The following GSE1 variants were observed in gnomAD, a reference collection of about 807,000 sequenced individuals.
GSE1 encodes the protein genetic suppressor element 1.
Under a neutral mutation model 112.6 loss-of-function variants are expected in GSE1, and 32 were observed. The ratio of observed to expected loss-of-function variants is 0.28; its 90% confidence interval spans 0.21 to 0.38. GSE1 has a LOEUF of 0.38. GSE1 is among the 10% of genes least tolerant of loss of function. GSE1 has a pLI of 1.00. For missense variants in GSE1, 2,348 were observed against 1,699.2 expected, an observed-to-expected ratio of 1.38 and a Z score of -6.71; for synonymous variants, 1,115 against 735.6, an observed-to-expected ratio of 1.52 and a Z score of -8.35.
At chr16:85,383,469 A>G (rs1289523818) in intron 2 of GSE1, among the ~76,000 whole-genome samples, 1 of 151,230 alleles carries the variant, frequency 6.6e-6, no homozygotes, top group Non-Finnish European at 1.5e-5. Context: ...AGTCTGTCAC[A>G]CATTTGAACA....
At chr16:85,424,930 C>T (rs1250353203) in intron 2 of GSE1, among the ~76,000 whole-genome samples, 1 of 152,274 alleles carries the variant, frequency 6.6e-6, no homozygotes, top group Admixed American at 6.5e-5. Context: ...TTTATTTTAA[C>T]ATGTGTCAGG....
intron 2 of GSE1, among the ~76,000 whole-genome samples, chr16:85,540,202 AGGAAG>A (rs765968785): frequency 1.3e-4 from 20 of 152,214 alleles, no homozygotes; most frequent in Non-Finnish European, 2.5e-4. Flanking sequence ...GAAGCCCAGA[AGGAAG>A]GTGCTTTCCT....
chr16:85,435,020 C>G (rs2049212126), intron 2 of GSE1, among the ~76,000 whole-genome samples: 1 of 152,214 alleles, frequency 6.6e-6, no homozygotes, highest in Admixed American at 6.5e-5. Flanking sequence ...AGGGCCTACG[C>G]TTGGTTTTAT....
At chr16:85,422,899 C>T (rs568286585) in intron 2 of GSE1, among the ~76,000 whole-genome samples, 1 of 152,176 alleles carries the variant, frequency 6.6e-6, no homozygotes, top group Non-Finnish European at 1.5e-5. Context: ...TGGGGCCGCA[C>T]CCCGCTTGCT....
intron 4 of GSE1, 59 bp from the exon 5 acceptor site, chr16:85,654,735 C>T (rs12447680): frequency 0.016 from 16,388 of 1,032,144 alleles, 331 homozygotes; most frequent in South Asian, 0.055. Context: ...GCCGTCCCCC[C>T]ATGCAGGAGC....
At chr16:85,261,323 G>T (rs1001478812) in intron 1 of GSE1, among the ~76,000 whole-genome samples, 1 of 152,232 alleles carries the variant, frequency 6.6e-6, no homozygotes, top group Non-Finnish European at 1.5e-5. Context: ...CTCAGTGTAT[G>T]ACTCTGCCTC....
chr16:85,323,488 G>T (rs918314811), intron 1 of GSE1, among the ~76,000 whole-genome samples: 1 of 152,186 alleles, frequency 6.6e-6, no homozygotes, highest in African/African-American at 2.4e-5. Context: ...AGGGCGTCTG[G>T]GGGGAAAGTC....
chr16:85,418,690 A>G (rs2048758690), intron 2 of GSE1, among the ~76,000 whole-genome samples: 1 of 152,132 alleles, frequency 6.6e-6, no homozygotes, highest in Admixed American at 6.5e-5. Flanking sequence ...CTTCCAAGGT[A>G]CTGATGCAGG....
chr16:85,393,041 C>T (rs1245825634), intron 2 of GSE1, among the ~76,000 whole-genome samples: 2 of 152,206 alleles, frequency 1.3e-5, no homozygotes, highest in East Asian at 3.8e-4. Flanking sequence ...CAGATAGAGG[C>T]CCTGTCAAGG....
At position 85,399,185 on chromosome 16, in the gene GSE1, C is replaced by A. The variant is rs150568148; in HGVS notation, c.2464+41542C>A. 1.1e-4 allele frequency among the ~76,000 whole-genome samples: 17 copies of A among 152,162 alleles called. No homozygotes were observed. In the South Asian group the frequency reaches 3.3e-3, roughly 30 times the overall value. On this transcript the variant is annotated intron_variant, in intron 2 of 2. Transcript: ENST00000637419. ...GTGCATATGACCGTATAGATGTGCA[C>A]GTGTGATGTGTGTGGTGCTGTGGGG...
chr16:85,605,510 G>C (rs1353591735), intron 1 of GSE1, among the ~76,000 whole-genome samples: 2 of 152,090 alleles, frequency 1.3e-5, no homozygotes, highest in Non-Finnish European at 2.9e-5. Context: ...ACTGGGCATG[G>C]CTCTCTCTAT....
intron 1 of GSE1, among the ~76,000 whole-genome samples, chr16:85,557,291 GGCTGTGCT>G: frequency 1.3e-5 from 2 of 152,174 alleles, no homozygotes; most frequent in East Asian, 3.9e-4. Context: ...AGGTCAGGAA[GGCTGTGCT>G]GCGTGTGACT....
At position 85,408,526 on chromosome 16, in the gene GSE1, G is replaced by C. The variant is rs560522691; in HGVS notation, c.2464+50883G>C. On this transcript the variant is annotated intron_variant, in intron 2 of 2. Transcript: ENST00000637419. ...CTCACTGTTACACTCAGGCCCCCTGGATAATCCTCACTGTTACACTCAGGG... is the reference window on the plus strand; with the variant it reads ...CTCACTGTTACACTCAGGCCCCCTGCATAATCCTCACTGTTACACTCAGGG... Among the ~76,000 whole-genome samples, 8 of 44,594 alleles carry C rather than the reference G, an allele frequency of 1.8e-4. 2 individuals carry two copies. The highest frequency in any genetic ancestry group is 3.2e-4 in the Non-Finnish European group (7 of 21,904). 29.3% of individuals were successfully genotyped at this position (44,594 alleles called of 152,430 possible). A position where few individuals can be genotyped will look rare whatever the true frequency, so the allele number is the denominator to read the frequency against.
At chr16:85,200,586 C>T (rs779209021) in intron 1 of GSE1, among the ~76,000 whole-genome samples, 1 of 152,040 alleles carries the variant, frequency 6.6e-6, no homozygotes, top group Admixed American at 6.5e-5. Flanking sequence ...CACCGGATGA[C>T]GTGTTTCAAG....
intron 1 of GSE1, among the ~76,000 whole-genome samples, chr16:85,304,535 A>G (rs2045614288): frequency 6.9e-6 from 1 of 143,998 alleles, no homozygotes; most frequent in African/African-American, 2.5e-5. Context: ...GTGTAGCTTC[A>G]GAAAGGAAAG....
intron 1 of GSE1, among the ~76,000 whole-genome samples, chr16:85,624,624 G>T (rs1172932066): frequency 6.6e-6 from 1 of 152,232 alleles, no homozygotes; most frequent in African/African-American, 2.4e-5. Context: ...GGACAGCTGG[G>T]TTTCCTTCCG....
At chr16:85,624,994 C>T (rs1295008497) in intron 1 of GSE1, among the ~76,000 whole-genome samples, 1 of 152,206 alleles carries the variant, frequency 6.6e-6, no homozygotes, top group Non-Finnish European at 1.5e-5. Context: ...AGGTAGCCGG[C>T]GCCCTGTAAA....
intron 1 of GSE1, among the ~76,000 whole-genome samples, chr16:85,345,751 T>C (rs1452806072): frequency 1.3e-5 from 2 of 152,264 alleles, no homozygotes; most frequent in Non-Finnish European, 2.9e-5. Context: ...CCAGCCAGAA[T>C]GTCAGCAGGG....
In GSE1 at chr16:85,171,436, G is replaced by A. The variant is rs145884331; in HGVS notation, c.1912G>A (p.Val638Met). ...CCCGCCTGCCCCTCGTGCCAGGCCT[G>A]TGGACTCCACCGGCCTGGTGGCTAC... The change falls in exon 1 of 3, where the codon GTG becomes ATG. Residue 638 changes from valine to methionine, a missense_variant. Physicochemically the swap from Val to Met is conservative, Grantham distance 21. Transcript: ENST00000637419. The A allele has an allele frequency of 2.6e-5, 26 of 985,548 alleles. No individual in the cohort carries two copies. In the African/African-American group the frequency reaches 3.8e-4, roughly 15 times the overall value. 61.1% of individuals were successfully genotyped at this position (985,548 alleles called of 1,614,324 possible). A position where few individuals can be genotyped will look rare whatever the true frequency, so the allele number is the denominator to read the frequency against.
Sources: allele counts gnomAD v4.1 joint callset (sites outside exome capture counted in the v4.1 genomes callset), GRCh38; gene constraint gnomAD v4.1.1; transcripts MANE v1.5; gene names NCBI Gene and HGNC (gene_info 2026-07-23, HGNC 2026-07-21).